Variants in MAST4 observed in about 807,000 individuals in gnomAD.
The protein encoded by MAST4 is microtubule associated serine/threonine kinase family member 4.
In MAST4, 89 loss-of-function variants were observed where a neutral mutation model predicts 162.7. That is an observed-to-expected ratio of 0.55 (90% CI 0.46 to 0.65). The LOEUF (loss-of-function observed/expected upper bound fraction) is 0.65. MAST4 is among the 30% of genes least tolerant of loss of function. The pLI, the probability that MAST4 is intolerant of heterozygous loss-of-function variation, is 0.00. For synonymous variants in MAST4, 1,479 were observed against 1,361.1 expected, an observed-to-expected ratio of 1.09 and a Z score of -1.91; for missense variants, 3,153 against 3,374.0, an observed-to-expected ratio of 0.93 and a Z score of 1.62.
intron 2 of MAST4, among the ~76,000 whole-genome samples, chr5:66,781,672 C>CT (rs1754876763): frequency 6.6e-6 from 1 of 152,098 alleles, no homozygotes. Context: ...TGACTGAGAA[C>CT]CAGAAGTCAC....
At chr5:66,673,633 C>T (rs1245377102) in intron 1 of MAST4, among the ~76,000 whole-genome samples, 2 of 148,484 alleles carry the variant, frequency 1.3e-5, no homozygotes, top group African/African-American at 4.9e-5. Flanking sequence ...TAGGTGGGAT[C>T]ACAGGCACGT....
chr5:67,069,920 T>TGTGTG, intron 5 of MAST4, among the ~76,000 whole-genome samples: 3 of 57,312 alleles, frequency 5.2e-5, no homozygotes, highest in South Asian at 1.3e-3. Flanking sequence ...GTGTGTGTGT[T>TGTGTG]CCTCAGCAAA....
Position 67,163,482 on chromosome 5 carries a change from C to T in MAST4, c.4303C>T (p.Pro1435Ser). 6.2e-7 allele frequency: 1 copy of T among 1,613,114 alleles called. No individual in the cohort carries two copies. Among genetic ancestry groups the T allele is most frequent in the Admixed American group, 1.7e-5 (1 of 59,970 alleles). The stretch of plus-strand genomic sequence containing the variant: ...CATCGTGAGGCCCAAGAGTGCGGAG[C>T]CCCCCAGGTCCCCGCTGCTCAAGCG... ...RHIVRPKSAE[P>S]PRSPLLKRVQ... Residue 1435 changes from proline (P) to serine (S), a missense_variant, in exon 29 of 29, where the codon CCC (proline) becomes TCC (serine). Coordinates refer to ENST00000403625, the MANE Select transcript of MAST4 (RefSeq NM_001164664.2). The surrounding 1 kb of genome is among the most constrained non-coding windows in gnomAD (Gnocchi z 7.0).
chr5:66,948,307 T>C (rs1214837369), intron 4 of MAST4, among the ~76,000 whole-genome samples: 1 of 152,178 alleles, frequency 6.6e-6, no homozygotes, highest in Non-Finnish European at 1.5e-5. Flanking sequence ...TGATTCCAGA[T>C]TTTAGATTAT....
intron 4 of MAST4, among the ~76,000 whole-genome samples, chr5:66,903,527 A>G (rs1763148028): frequency 6.6e-6 from 1 of 152,064 alleles, no homozygotes; most frequent in African/African-American, 2.4e-5. Context: ...ATTTGACAAT[A>G]ACTGCAATAT....
At chr5:67,051,609 A>T (rs970215996) in intron 4 of MAST4, among the ~76,000 whole-genome samples, 4 of 152,124 alleles carry the variant, frequency 2.6e-5, no homozygotes, top group Non-Finnish European at 5.9e-5. Flanking sequence ...TAATACTGAG[A>T]TTGGATGACT....
At chr5:67,103,326 C>G (rs1225805467) in intron 9 of MAST4, among the ~76,000 whole-genome samples, 2 of 152,166 alleles carry the variant, frequency 1.3e-5, no homozygotes, top group African/African-American at 4.8e-5. Flanking sequence ...CTGTGTTGCC[C>G]TAAACAGGAG....
chr5:67,144,457 TACACACACACACACAC>T (rs57996757), intron 21 of MAST4, among the ~76,000 whole-genome samples, 196 bp from the exon 22 acceptor site: 2 of 149,830 alleles, frequency 1.3e-5, no homozygotes, highest in Non-Finnish European at 3.0e-5. Flanking sequence ...CGTATATATG[TACACACACACACACAC>T]ACACACACAC....
chr5:67,144,007 C>T lies in MAST4; in HGVS notation c.2731-662C>T, dbSNP rs6865513. On this transcript the variant is annotated intron_variant, in intron 21 of 28. Transcript: ENST00000403625. ...CTTAGACCCCCATTTTACCTTCTCT[C>T]TTATGAGACAACAGAGATTCACAGA... Among the ~76,000 whole-genome samples, 184 of 152,256 alleles carry T rather than the reference C, an allele frequency of 1.2e-3. 1 individual carries two copies. Among genetic ancestry groups the T allele is most frequent in the African/African-American group, 4.2e-3 (175 of 41,546 alleles).
intron 4 of MAST4, among the ~76,000 whole-genome samples, chr5:66,918,897 G>T (rs1764287718): frequency 6.6e-6 from 1 of 152,194 alleles, no homozygotes; most frequent in Admixed American, 6.5e-5. Flanking sequence ...TTGAGATTTT[G>T]TTCTTGACCA....
chr5:66,961,033 G>A (rs1048567638), intron 4 of MAST4, among the ~76,000 whole-genome samples: 5 of 152,210 alleles, frequency 3.3e-5, no homozygotes, highest in African/African-American at 1.2e-4. Context: ...TAGGGAGCGT[G>A]AGAGTGGAAT....
chr5:67,168,612 T>G lies in MAST4; in HGVS notation c.*1561T>G, dbSNP rs932863895. ...GGCACTAAGAGAAAATACAGATAAGTATTTATAAGTTGCTTGGGAACCATA... is the reference window on the plus strand; with the variant it reads ...GGCACTAAGAGAAAATACAGATAAGGATTTATAAGTTGCTTGGGAACCATA... On this transcript the variant is annotated 3_prime_UTR_variant, in exon 29 of 29. Transcript: ENST00000403625. 6.6e-6 allele frequency: 1 copy of G among 152,244 alleles called. No individual in the cohort carries two copies. Among genetic ancestry groups the G allele is most frequent in the African/African-American group, 2.4e-5 (1 of 41,468 alleles). The allele number at this position is 152,244 out of a possible 1,614,324, so 9.4% of individuals were successfully genotyped here. A position where few individuals can be genotyped will look rare whatever the true frequency, so the allele number is the denominator to read the frequency against.
intron 4 of MAST4, among the ~76,000 whole-genome samples, chr5:67,021,486 C>T (rs985059828): frequency 1.3e-5 from 2 of 152,148 alleles, no homozygotes; most frequent in African/African-American, 4.8e-5. Flanking sequence ...ATTGCAAATA[C>T]CATATTTAGC....
intron 2 of MAST4, among the ~76,000 whole-genome samples, chr5:66,763,480 A>G (rs1753943829): frequency 6.6e-6 from 1 of 152,258 alleles, no homozygotes; most frequent in African/African-American, 2.4e-5. Context: ...TTATATATAA[A>G]GCAGTACCAT....
chr5:66,733,687 G>C (rs1168921748), intron 1 of MAST4, among the ~76,000 whole-genome samples: 3 of 152,136 alleles, frequency 2.0e-5, no homozygotes, highest in Non-Finnish European at 4.4e-5. Flanking sequence ...TCAAACTCCT[G>C]ACCTCAGGTG....
intron 1 of MAST4, among the ~76,000 whole-genome samples, chr5:66,711,839 C>G (rs986093614): frequency 6.6e-6 from 1 of 151,922 alleles, no homozygotes; most frequent in Non-Finnish European, 1.5e-5. Flanking sequence ...TGCCCCCCAC[C>G]CCCCAAAAAA....
intron 2 of MAST4, among the ~76,000 whole-genome samples, chr5:66,782,526 T>C (rs1754925061): frequency 6.6e-6 from 1 of 152,226 alleles, no homozygotes; most frequent in Non-Finnish European, 1.5e-5. Flanking sequence ...GGTTGAGACC[T>C]GACACGCTCT....
chr5:66,795,427 G>A (rs778501775), intron 3 of MAST4, among the ~76,000 whole-genome samples: 8 of 152,158 alleles, frequency 5.3e-5, no homozygotes, highest in Non-Finnish European at 8.8e-5. Flanking sequence ...GATTACTGGG[G>A]CAAAGAATAT....
intron 1 of MAST4, among the ~76,000 whole-genome samples, chr5:66,696,154 G>A (rs1030601944): frequency 6.6e-6 from 1 of 152,024 alleles, no homozygotes; most frequent in African/African-American, 2.4e-5. Flanking sequence ...TGAACAATGA[G>A]AACACATGGG....
Sources: allele counts gnomAD v4.1 joint callset (sites outside exome capture counted in the v4.1 genomes callset), GRCh38; gene constraint gnomAD v4.1.1; non-coding constraint Gnocchi (gnomAD v3.1); transcripts MANE v1.5; gene names NCBI Gene and HGNC (gene_info 2026-07-23, HGNC 2026-07-21).